PRICKLE2: variants seen among roughly 807,000 people sequenced by gnomAD.
PRICKLE2 encodes prickle-like protein 2.
A neutral mutation model predicts 81.4 loss-of-function variants in PRICKLE2; 21 were observed. The observed-to-expected ratio is 0.26, with a 90% CI of 0.18 to 0.37. The LOEUF (loss-of-function observed/expected upper bound fraction) is 0.37. Among genes scored for constraint, PRICKLE2 ranks in the 10% least tolerant of loss-of-function variants. The pLI is 1.00. For missense variants in PRICKLE2, 940 were observed against 1,109.0 expected, an observed-to-expected ratio of 0.85 and a Z score of 2.16; for synonymous variants, 456 against 421.5, an observed-to-expected ratio of 1.08 and a Z score of -1.00.
intron 1 of PRICKLE2, among the ~76,000 whole-genome samples, chr3:64,216,412 G>A (rs1037206768): frequency 1.2e-4 from 18 of 152,198 alleles, no homozygotes; most frequent in African/African-American, 4.1e-4. Flanking sequence ...TGGAAAACTG[G>A]TTAAGTGCAA....
chr3:64,244,518 T>C (rs1352772008), intron 2 of PRICKLE2, among the ~76,000 whole-genome samples: 1 of 151,882 alleles, frequency 6.6e-6, no homozygotes, highest in Non-Finnish European at 1.5e-5. Context: ...AGTGAACATA[T>C]GCTAGACATT....
At chr3:64,201,823 C>G (rs2107120755) in intron 1 of PRICKLE2, among the ~76,000 whole-genome samples, 1 of 152,238 alleles carries the variant, frequency 6.6e-6, no homozygotes, top group South Asian at 2.1e-4. Flanking sequence ...AACTCACGGT[C>G]ATAAAGATGT....
At chr3:64,113,494 T>A (rs149661975) in intron 7 of PRICKLE2, among the ~76,000 whole-genome samples, 2 of 152,126 alleles carry the variant, frequency 1.3e-5, no homozygotes, top group Non-Finnish European at 2.9e-5. Context: ...AGAAGTCCAG[T>A]GAGGTGTGGC....
At chr3:64,132,822 G>C (rs1033852197) in intron 7 of PRICKLE2, among the ~76,000 whole-genome samples, 8 of 152,134 alleles carry the variant, frequency 5.3e-5, no homozygotes, top group Admixed American at 2.0e-4. Flanking sequence ...GATATATTTT[G>C]GGCAGATGCC....
At chr3:64,247,431 T>C (rs933659424) in intron 2 of PRICKLE2, among the ~76,000 whole-genome samples, 6 of 152,198 alleles carry the variant, frequency 3.9e-5, no homozygotes, top group Non-Finnish European at 8.8e-5. Context: ...ACACTCTAAA[T>C]GACTATTATT....
intron 2 of PRICKLE2, among the ~76,000 whole-genome samples, chr3:64,230,532 T>C (rs1462291685): frequency 6.6e-6 from 1 of 152,190 alleles, no homozygotes; most frequent in East Asian, 1.9e-4. Context: ...TAAAGATGCA[T>C]AGCTGCATTC....
At chr3:64,181,857 G>T (rs2078141089) in intron 2 of PRICKLE2, among the ~76,000 whole-genome samples, 1 of 152,160 alleles carries the variant, frequency 6.6e-6, no homozygotes. Flanking sequence ...TGATTCAGAA[G>T]TATATTGAGA....
chr3:64,267,890 G>GA, intron 2 of PRICKLE2: 1 of 152,332 alleles, frequency 6.6e-6, no homozygotes, highest in South Asian at 2.1e-4. Context: ...CTATGGGGGG[G>GA]CCACTTACCC....
intron 2 of PRICKLE2, among the ~76,000 whole-genome samples, chr3:64,236,554 T>A (rs1263935633): frequency 1.3e-5 from 2 of 152,232 alleles, no homozygotes; most frequent in African/African-American, 4.8e-5. Flanking sequence ...CTCAAACCAT[T>A]GAACTGGATC....
At chr3:64,246,897 T>C (rs1428104628) in intron 2 of PRICKLE2, among the ~76,000 whole-genome samples, 2 of 152,204 alleles carry the variant, frequency 1.3e-5, no homozygotes, top group Non-Finnish European at 2.9e-5. Context: ...TGCCTTCTAA[T>C]ACACTGAGGA....
chr3:64,214,119 T>G (rs1347845021), intron 1 of PRICKLE2, among the ~76,000 whole-genome samples: 1 of 152,204 alleles, frequency 6.6e-6, no homozygotes, highest in East Asian at 1.9e-4. Context: ...ATCTCTGGTA[T>G]GGACGTGAGC....
At chr3:64,153,615 A>T (rs955986163) in intron 5 of PRICKLE2, 10 of 501,402 alleles carry the variant, frequency 2.0e-5, no homozygotes, top group African/African-American at 1.5e-4. Context: ...ACATTTAATA[A>T]GAGAAAGAAT....
chr3:64,204,526 T>C (rs1025960765), intron 1 of PRICKLE2, among the ~76,000 whole-genome samples: 1 of 151,798 alleles, frequency 6.6e-6, no homozygotes, highest in African/African-American at 2.4e-5. Flanking sequence ...ATAGAAAATC[T>C]ATCTGATTCC....
At chr3:64,113,998 G>A (rs998691909) in intron 7 of PRICKLE2, among the ~76,000 whole-genome samples, 3 of 152,154 alleles carry the variant, frequency 2.0e-5, no homozygotes, top group African/African-American at 7.2e-5. Context: ...CCACACCTTG[G>A]CACCTCCAGT....
intron 2 of PRICKLE2, among the ~76,000 whole-genome samples, chr3:64,181,303 C>T (rs2078129194): frequency 6.6e-6 from 1 of 152,096 alleles, no homozygotes; most frequent in Non-Finnish European, 1.5e-5. Flanking sequence ...AAGCACTCAG[C>T]ATCAATGAGG....
intron 3 of PRICKLE2, among the ~76,000 whole-genome samples, chr3:64,161,715 TA>T (rs10715000): frequency 0.49 from 58,080 of 117,888 alleles, 12,916 homozygotes; most frequent in East Asian, 0.62. Flanking sequence ...TAAAAAGAGT[TA>T]AAAAAAAAAA....
chr3:64,239,248 G>A (rs1003104993), intron 2 of PRICKLE2, among the ~76,000 whole-genome samples: 7 of 152,140 alleles, frequency 4.6e-5, no homozygotes, highest in South Asian at 2.1e-4. Flanking sequence ...GCTGGGGGGC[G>A]GGGGGCTGGC....
At chr3:64,177,001 G>C (rs555595462) in intron 2 of PRICKLE2, among the ~76,000 whole-genome samples, 1 of 152,120 alleles carries the variant, frequency 6.6e-6, no homozygotes, top group East Asian at 1.9e-4. Context: ...GGTTTGGTTT[G>C]GATGAGCTAG....
chr3:64,153,440 G>A, intron 5 of PRICKLE2, 72 bp from the exon 6 acceptor site: 1 of 1,471,550 alleles, frequency 6.8e-7, no homozygotes, highest in Non-Finnish European at 9.4e-7. Context: ...AGAAAGCTAT[G>A]GGGTCCTTGA....
Sources: allele counts gnomAD v4.1 joint callset (sites outside exome capture counted in the v4.1 genomes callset), GRCh38; gene constraint gnomAD v4.1.1; transcripts MANE v1.5; gene names NCBI Gene and HGNC (gene_info 2026-07-23, HGNC 2026-07-21).